Variants in ZSWIM6 observed in about 807,000 individuals in gnomAD.
ZSWIM6 encodes the protein zinc finger SWIM domain-containing protein 6.
ZSWIM6 carries 9 observed loss-of-function variants against 113.2 expected under a neutral mutation model. The observed-to-expected ratio is 0.08, with a 90% confidence interval of 0.05 to 0.14. ZSWIM6 has a LOEUF of 0.14. ZSWIM6 is among the 10% of genes least tolerant of loss of function. The pLI is 1.00. For synonymous variants in ZSWIM6, 611 were observed against 606.5 expected (o/e 1.01, Z -0.11); for missense variants, 1,162 against 1,552.2 (o/e 0.75, Z 4.22).
At chr5:61,416,727 G>T (rs1346149081) in intron 1 of ZSWIM6, among the ~76,000 whole-genome samples, 1 of 152,250 alleles carries the variant, frequency 6.6e-6, no homozygotes, top group Admixed American at 6.5e-5. Context: ...TTGCAAGACA[G>T]AATTGAAACA....
chr5:61,358,522 A>G (rs994805148), intron 1 of ZSWIM6, among the ~76,000 whole-genome samples: 5 of 152,242 alleles, frequency 3.3e-5, no homozygotes, highest in African/African-American at 1.2e-4. Flanking sequence ...TCCAAAATAA[A>G]ATCTAATATT....
rs989902015 is a variant in ZSWIM6, at chr5:61,472,160, T to C, written c.677-521T>C. On this transcript the variant is annotated intron_variant, in intron 1 of 13. Transcript: ENST00000252744. This position sits in a 1 kb window ranked among gnomAD's most constrained non-coding sequence, Gnocchi z 4.1. ...TTTAAAAATTTATCTGATCAAAGTT[T>C]GTGGAAGGGACTCCCTTAGAGTTGC... 6.6e-6 allele frequency among the ~76,000 whole-genome samples: 1 copy of C among 152,202 alleles called. No homozygotes were observed. Among genetic ancestry groups the C allele is most frequent in the Admixed American group, 6.5e-5 (1 of 15,284 alleles).
rs565219489 is a variant in ZSWIM6 at position 61,543,540 on chromosome 5, G to A, written c.2871G>A (p.Val957=). Residue 957 remains valine, a synonymous_variant, in exon 14 of 14, where the codon GTG becomes GTA. Transcript: ENST00000252744. The surrounding 1 kb of genome is among the most constrained non-coding windows in gnomAD (Gnocchi z 4.3). The part of the protein sequence containing the change: ...TEATSIVATT[V]MSNSTIVRLH... ...CCACAAGTATAGTTGCAACTACCGT[G>A]ATGTCCAACAGCACCATCGTCCGCC... 6.4e-7 allele frequency: 1 copy of A among 1,551,418 alleles called. No homozygotes were observed. The highest frequency in any genetic ancestry group is 8.7e-7 in the Non-Finnish European group (1 of 1,146,968).
chr5:61,451,571 T>G (rs1205511944), intron 1 of ZSWIM6, among the ~76,000 whole-genome samples: 1 of 152,144 alleles, frequency 6.6e-6, no homozygotes, highest in East Asian at 1.9e-4. Flanking sequence ...TTTCCCAGCA[T>G]AGACAAACTT....
At chr5:61,396,401 G>A (rs1001873568) in intron 1 of ZSWIM6, among the ~76,000 whole-genome samples, 2 of 151,626 alleles carry the variant, frequency 1.3e-5, no homozygotes, top group African/African-American at 2.4e-5. Context: ...GTATGGTGGC[G>A]CACACCTGTA....
At chr5:61,485,500 A>G (rs986406608) in intron 2 of ZSWIM6, among the ~76,000 whole-genome samples, 4 of 151,926 alleles carry the variant, frequency 2.6e-5, no homozygotes, top group Admixed American at 2.0e-4. Flanking sequence ...CCGATTTCCA[A>G]ATCTTGTCCT....
chr5:61,427,499 T>TA (rs1444436513), intron 1 of ZSWIM6, among the ~76,000 whole-genome samples: 14 of 152,288 alleles, frequency 9.2e-5, no homozygotes, highest in Admixed American at 6.5e-4. Context: ...TTTCTTTTTT[T>TA]ATACAGTGTT....
chr5:61,456,029 G>C (rs1747199755), intron 1 of ZSWIM6, among the ~76,000 whole-genome samples: 3 of 152,014 alleles, frequency 2.0e-5, no homozygotes, highest in Admixed American at 1.3e-4. Context: ...TAAAGTCACA[G>C]TCTTGAAAAT....
At position 61,539,688 on chromosome 5, in the gene ZSWIM6, A is replaced by C. The variant is rs1447006913; in HGVS notation, c.2632A>C (p.Lys878Gln). ...CTTCAAGCTTGCCCAAGATGCATTT[A>C]AAATAGCAACTCTCATGGACAGTTT... ...HIFKLAQDAF[K>Q]IATLMDSLPD... Residue 878 changes from lysine to glutamine, a missense_variant, in exon 12 of 14, where the codon AAA becomes CAA. By Grantham distance (53) the Lys-to-Gln change is moderately conservative. Transcript: ENST00000252744. 2.6e-6 allele frequency: 4 copies of C among 1,551,800 alleles called. No individual in the cohort carries two copies. The highest frequency in any genetic ancestry group is 2.6e-6 in the Non-Finnish European group (3 of 1,147,036).
rs543189867 is a variant in ZSWIM6 at position 61,431,011 on chromosome 5, G to T, written c.677-41670G>T. Among the ~76,000 whole-genome samples the T allele has an allele frequency of 1.8e-4, 28 of 152,276 alleles. 2 individuals carry two copies. The South Asian group carries it at 5.2e-3, about 28-fold the overall frequency. ...TATACTCTATACAGTCATTACTGGT[G>T]TTGGGGCAGAAGGGATATGTATGAG... On this transcript the variant is annotated intron_variant, in intron 1 of 13. Coordinates refer to ENST00000252744, the MANE Select transcript of ZSWIM6 (RefSeq NM_020928.2).
intron 1 of ZSWIM6, among the ~76,000 whole-genome samples, chr5:61,363,175 G>A (rs557657258): frequency 6.6e-6 from 1 of 152,304 alleles, no homozygotes; most frequent in Admixed American, 6.5e-5. Flanking sequence ...TGCAAGGAAG[G>A]TGTTTGATCT....
chr5:61,516,267 A>C (rs1051679151), intron 4 of ZSWIM6, among the ~76,000 whole-genome samples: 3 of 147,322 alleles, frequency 2.0e-5, no homozygotes, highest in Non-Finnish European at 4.5e-5. Flanking sequence ...TTTCTTTTGG[A>C]TTATTTATTT....
chr5:61,468,040 A>T (rs1007853572), intron 1 of ZSWIM6, among the ~76,000 whole-genome samples: 1 of 152,222 alleles, frequency 6.6e-6, no homozygotes, highest in Non-Finnish European at 1.5e-5. Flanking sequence ...ATAAAATTTA[A>T]TGAGCACTTT....
intron 9 of ZSWIM6, among the ~76,000 whole-genome samples, chr5:61,532,386 A>G (rs1285748249): frequency 6.6e-6 from 1 of 152,228 alleles, no homozygotes; most frequent in Non-Finnish European, 1.5e-5. Flanking sequence ...CCCCTCTGAA[A>G]AGGTAAATGT....
intron 1 of ZSWIM6, among the ~76,000 whole-genome samples, chr5:61,439,999 C>G (rs765632458): frequency 6.6e-6 from 1 of 151,776 alleles, no homozygotes; most frequent in Non-Finnish European, 1.5e-5. Context: ...CAAATCATGA[C>G]TTAGTATTTT....
intron 1 of ZSWIM6, among the ~76,000 whole-genome samples, chr5:61,437,307 G>A (rs34747618): frequency 0.016 from 2,374 of 152,194 alleles, 48 homozygotes; most frequent in South Asian, 0.046. Context: ...TTTAGGCCTC[G>A]TGTTTTGGAC....
Position 61,332,321 on chromosome 5 carries a change from C to G in ZSWIM6, c.49C>G (p.Arg17Gly), listed in dbSNP as rs1291852808. The G allele has an allele frequency of 3.4e-5, 39 of 1,157,544 alleles. 1 individual carries two copies. In the East Asian group the frequency reaches 1.5e-3, roughly 44 times the overall value. The allele number at this position is 1,157,544 out of a possible 1,614,324, so 71.7% of individuals were successfully genotyped here. Residue 17 changes from arginine to glycine, a missense_variant, in exon 1 of 14, where the codon CGG (arginine) becomes GGG (glycine). This residue lies in a region of ZSWIM6 where 333 missense variants were observed against 293.4 expected (regional missense o/e 1.13). Coordinates refer to ENST00000252744, the MANE Select transcript of ZSWIM6 (RefSeq NM_020928.2). ...QPPPAKRLCC[R>G]PGGGGGGGGS... ...TCCTCCCGCGAAACGGCTTTGCTGCCGGCCGGGCGGCGGCGGCGGCGGCGG... is the reference window on the plus strand; with the variant it reads ...TCCTCCCGCGAAACGGCTTTGCTGCGGGCCGGGCGGCGGCGGCGGCGGCGG...
chr5:61,332,571 G>T lies in ZSWIM6; in HGVS notation c.299G>T (p.Arg100Leu). ...PFQRVEERFE[R>L]IPEPVQRRIV... ...CAGCGCGTGGAGGAGCGCTTTGAGC[G>T]CATCCCGGAGCCGGTGCAGCGCCGC... Residue 100 changes from arginine to leucine, a missense_variant, in exon 1 of 14, where the codon CGC (arginine) becomes CTC (leucine). Arg to Leu is a moderately radical substitution (Grantham distance 102). Transcript: ENST00000252744. The T allele has an allele frequency of 7.3e-7, 1 of 1,362,434 alleles. No homozygotes were observed. 84.4% of individuals were successfully genotyped at this position (1,362,434 alleles called of 1,614,324 possible).
At chr5:61,353,656 T>A (rs1189499154) in intron 1 of ZSWIM6, among the ~76,000 whole-genome samples, 1 of 152,374 alleles carries the variant, frequency 6.6e-6, no homozygotes, top group Admixed American at 6.5e-5. Flanking sequence ...CCATTCACGA[T>A]ATAGTACCTT....
Sources: allele counts gnomAD v4.1 joint callset (sites outside exome capture counted in the v4.1 genomes callset), GRCh38; gene constraint gnomAD v4.1.1; regional missense constraint gnomAD v4.1.1; non-coding constraint Gnocchi (gnomAD v3.1); transcripts MANE v1.5; gene names NCBI Gene and HGNC (gene_info 2026-07-23, HGNC 2026-07-21).